Variants in LRFN2 observed in about 807,000 individuals in gnomAD.
The protein encoded by LRFN2 is leucine rich repeat and fibronectin type III domain containing 2, also known as leucine-rich repeat and fibronectin type-III domain-containing protein 2.
A neutral mutation model predicts 37.3 loss-of-function variants in LRFN2; 18 were observed. That is an observed-to-expected ratio of 0.48 (90% confidence interval 0.33 to 0.72). The LOEUF (loss-of-function observed/expected upper bound fraction) is 0.72. Ranked by LOEUF, LRFN2 falls within the 30% of genes least tolerant of loss-of-function variation. The pLI is 0.02. For missense variants in LRFN2, 1,006 were observed against 1,060.7 expected, an observed-to-expected ratio of 0.95 and a Z score of 0.72; for synonymous variants, 556 against 466.6, an observed-to-expected ratio of 1.19 and a Z score of -2.47.
chr6:40,566,023 T>A (rs1225468642), intron 1 of LRFN2, among the ~76,000 whole-genome samples: 1 of 151,788 alleles, frequency 6.6e-6, no homozygotes, highest in East Asian at 1.9e-4. Flanking sequence ...TACAATGAAC[T>A]CAAAAAATTT....
chr6:40,555,846 C>T (rs1012863650), intron 1 of LRFN2, among the ~76,000 whole-genome samples: 1 of 152,148 alleles, frequency 6.6e-6, no homozygotes, highest in Admixed American at 6.5e-5. Context: ...CCCATCCCTC[C>T]CCACACCGCT....
intron 1 of LRFN2, among the ~76,000 whole-genome samples, chr6:40,481,678 A>T (rs994619497): frequency 6.6e-6 from 1 of 152,126 alleles, no homozygotes; most frequent in Non-Finnish European, 1.5e-5. Context: ...AGACCTAAGG[A>T]TAGGGCTCGC....
chr6:40,450,531 C>T (rs1581715498), intron 1 of LRFN2, among the ~76,000 whole-genome samples: 1 of 152,324 alleles, frequency 6.6e-6, no homozygotes, highest in East Asian at 1.9e-4. Context: ...GGTGGGTGTG[C>T]ATGGGGGATG....
At chr6:40,410,040 G>A (rs1205513541) in intron 2 of LRFN2, among the ~76,000 whole-genome samples, 3 of 152,164 alleles carry the variant, frequency 2.0e-5, no homozygotes, top group African/African-American at 7.2e-5. Flanking sequence ...TTAATTAAGG[G>A]TGGGGAGAGT....
intron 1 of LRFN2, among the ~76,000 whole-genome samples, chr6:40,438,221 A>G (rs915749173): frequency 6.6e-5 from 10 of 152,196 alleles, no homozygotes; most frequent in Non-Finnish European, 1.2e-4. Context: ...AACCTACACC[A>G]TTCCAGAGAA....
At chr6:40,458,809 A>G (rs767756863) in intron 1 of LRFN2, among the ~76,000 whole-genome samples, 14 of 152,162 alleles carry the variant, frequency 9.2e-5, no homozygotes, top group Non-Finnish European at 1.8e-4. Flanking sequence ...AGCCCCAACA[A>G]CACAGATGAG....
At chr6:40,559,216 A>G (rs1766947309) in intron 1 of LRFN2, among the ~76,000 whole-genome samples, 1 of 152,144 alleles carries the variant, frequency 6.6e-6, no homozygotes, top group East Asian at 1.9e-4. Context: ...GGGAGGGGTC[A>G]GCCTATAAAT....
At chr6:40,555,456 C>T (rs908235398) in intron 1 of LRFN2, among the ~76,000 whole-genome samples, 1 of 152,192 alleles carries the variant, frequency 6.6e-6, no homozygotes, top group African/African-American at 2.4e-5. Context: ...CACAGACGAA[C>T]AAGTGGCAGC....
At chr6:40,448,294 T>G (rs1361808886) in intron 1 of LRFN2, among the ~76,000 whole-genome samples, 1 of 152,112 alleles carries the variant, frequency 6.6e-6, no homozygotes, top group Non-Finnish European at 1.5e-5. Flanking sequence ...CCCCCTGGGT[T>G]TGGTGCACCC....
At position 40,513,565 on chromosome 6, in the gene LRFN2, T is replaced by C. The variant is rs572544334; in HGVS notation, c.-19+73376A>G. Reference sequence around the variant, plus strand: ...AACAATTTTTTGAACACCTACTAGGTGCCAGGCACTGTGAGCAGGGAACAA... The same window carrying C: ...AACAATTTTTTGAACACCTACTAGGCGCCAGGCACTGTGAGCAGGGAACAA... On this transcript the variant is annotated intron_variant, in intron 1 of 2. Coordinates refer to ENST00000338305, the MANE Select transcript of LRFN2 (RefSeq NM_020737.3). Among the ~76,000 whole-genome samples, 3 of 152,248 alleles carry C rather than the reference T, an allele frequency of 2.0e-5. No homozygotes were observed. The East Asian group carries it at 5.8e-4, about 29-fold the overall frequency.
At chr6:40,519,973 G>A (rs1329818708) in intron 1 of LRFN2, among the ~76,000 whole-genome samples, 2 of 152,154 alleles carry the variant, frequency 1.3e-5, no homozygotes, top group Non-Finnish European at 2.9e-5. Flanking sequence ...CAGGCAGAGG[G>A]AACAGCATAT....
intron 1 of LRFN2, among the ~76,000 whole-genome samples, chr6:40,450,803 C>T (rs1369181879): frequency 6.6e-6 from 1 of 152,170 alleles, no homozygotes; most frequent in Non-Finnish European, 1.5e-5. Flanking sequence ...TTAGAGAGGA[C>T]ATAAGATGTA....
intron 1 of LRFN2, among the ~76,000 whole-genome samples, chr6:40,507,863 C>G (rs1016957521): frequency 6.6e-6 from 1 of 152,202 alleles, no homozygotes; most frequent in Non-Finnish European, 1.5e-5. Context: ...GAGACAAGCA[C>G]TATGATTCTT....
intron 2 of LRFN2, among the ~76,000 whole-genome samples, chr6:40,400,109 TC>T (rs1206954206): frequency 6.6e-6 from 1 of 151,734 alleles, no homozygotes; most frequent in Admixed American, 6.6e-5. Context: ...ATCTCTTCTC[TC>T]CCTCCTCCCA....
intron 2 of LRFN2, among the ~76,000 whole-genome samples, chr6:40,425,762 A>G (rs1378585752): frequency 6.6e-6 from 1 of 152,226 alleles, no homozygotes; most frequent in Non-Finnish European, 1.5e-5. Flanking sequence ...AGCTGTGTGT[A>G]CTCAGGAAGA....
chr6:40,434,291 G>A (rs1028367385), intron 1 of LRFN2, among the ~76,000 whole-genome samples: 7 of 151,958 alleles, frequency 4.6e-5, no homozygotes, highest in African/African-American at 7.2e-5. Context: ...AAGTCTTTGC[G>A]CCTCCAAATG....
At chr6:40,561,330 G>A (rs1483694054) in intron 1 of LRFN2, among the ~76,000 whole-genome samples, 1 of 152,210 alleles carries the variant, frequency 6.6e-6, no homozygotes, top group East Asian at 1.9e-4. Flanking sequence ...AGACCCCAAG[G>A]ACCTTTTGCA....
At chr6:40,515,233 C>T (rs1231550228) in intron 1 of LRFN2, among the ~76,000 whole-genome samples, 1 of 152,176 alleles carries the variant, frequency 6.6e-6, no homozygotes, top group African/African-American at 2.4e-5. Context: ...CTGAGGGAGG[C>T]TGGCAGGGGA....
chr6:40,575,932 T>C (rs1195258636), intron 1 of LRFN2, among the ~76,000 whole-genome samples: 1 of 152,158 alleles, frequency 6.6e-6, no homozygotes, highest in Non-Finnish European at 1.5e-5. Flanking sequence ...ACAGAATGAA[T>C]GTGGGCATAA....
Sources: gnomAD v4.1 joint callset for allele counts (sites outside exome capture counted in the v4.1 genomes callset) on GRCh38, gnomAD v4.1.1 for gene constraint, MANE v1.5 for transcripts, NCBI Gene and HGNC (gene_info 2026-07-23, HGNC 2026-07-21) for gene names.